Variants in OCA2 observed in about 807,000 individuals in gnomAD.
OCA2 encodes the protein OCA2 melanosomal transmembrane protein, also known as P protein.
In OCA2, 77 loss-of-function variants were observed where a neutral mutation model predicts 100.2. The ratio of observed to expected loss-of-function variants is 0.77; its 90% confidence interval spans 0.64 to 0.93. OCA2 has a LOEUF of 0.93. OCA2 is among the 40% of genes least tolerant of loss of function. The pLI is 0.00. For missense variants in OCA2, 1,062 were observed against 1,089.1 expected, an observed-to-expected ratio of 0.98 and a Z score of 0.35; for synonymous variants, 432 against 439.2, an observed-to-expected ratio of 0.98 and a Z score of 0.21.
intron 23 of OCA2, among the ~76,000 whole-genome samples, chr15:27,781,241 G>A (rs959950312): frequency 1.3e-5 from 2 of 152,194 alleles, no homozygotes; most frequent in Non-Finnish European, 2.9e-5. Flanking sequence ...CTTCTTGGGT[G>A]TTGGAAGGCA....
chr15:27,735,727 A>G, the OCA2 span, among the ~76,000 whole-genome samples: 1 of 151,302 alleles, frequency 6.6e-6, no homozygotes, highest in Non-Finnish European at 1.5e-5. Flanking sequence ...ACTGAAGGAA[A>G]AAAACAAAAC....
chr15:27,935,858 T>G (rs368904538), intron 18 of OCA2, among the ~76,000 whole-genome samples: 1 of 152,242 alleles, frequency 6.6e-6, no homozygotes, highest in Non-Finnish European at 1.5e-5. Context: ...CCCTGGACAT[T>G]GTGTAACTGA....
intron 19 of OCA2, among the ~76,000 whole-genome samples, chr15:27,904,256 G>C (rs2038082172): frequency 2.6e-5 from 4 of 152,144 alleles, no homozygotes; most frequent in Admixed American, 2.6e-4. Flanking sequence ...ACCAGAGCAG[G>C]GCCCACTGCA....
intron 12 of OCA2, among the ~76,000 whole-genome samples, chr15:27,986,339 A>G (rs1157570027): frequency 1.3e-5 from 2 of 152,196 alleles, no homozygotes; most frequent in Non-Finnish European, 1.5e-5. Context: ...ATAATACACA[A>G]CGATTCAACC....
Position 28,022,574 on chromosome 15 carries a change from C to T in OCA2, c.574-1G>A. The T allele has an allele frequency of 6.2e-7, 1 of 1,612,376 alleles. No individual in the cohort carries two copies. ...GATCCGGATATAGGCTGAACAAAAT[C>T]TGTAACAATCAGAAACGTTGAATGA... On this transcript the variant is annotated splice_acceptor_variant, in intron 5 of 23. Transcript: ENST00000354638. LOFTEE classifies it high-confidence loss of function.
chr15:27,947,609 C>T (rs960086317), intron 18 of OCA2, among the ~76,000 whole-genome samples: 4 of 152,200 alleles, frequency 2.6e-5, no homozygotes, highest in Admixed American at 2.0e-4. Flanking sequence ...CGGGTGCGGT[C>T]GCATGGCCTC....
At chr15:28,095,240 C>G (rs2141976424) in intron 1 of OCA2, among the ~76,000 whole-genome samples, 1 of 152,248 alleles carries the variant, frequency 6.6e-6, no homozygotes, top group South Asian at 2.1e-4. Context: ...CCGGTTGGCG[C>G]CCGGCGGGAG....
the OCA2 span, among the ~76,000 whole-genome samples, chr15:27,722,286 G>A: frequency 7.2e-5 from 11 of 152,158 alleles, no homozygotes; most frequent in Admixed American, 6.5e-4. Flanking sequence ...GCAAATATCC[G>A]GGGGCATTTT....
At chr15:27,736,091 T>C in the OCA2 span, among the ~76,000 whole-genome samples, 16 of 152,192 alleles carry the variant, frequency 1.1e-4, 1 homozygote, top group African/African-American at 3.6e-4. Flanking sequence ...CTGTACATGA[T>C]AAATATAAAA....
chr15:28,050,432 G>T (rs2043474362), intron 2 of OCA2, among the ~76,000 whole-genome samples: 1 of 151,872 alleles, frequency 6.6e-6, no homozygotes, highest in Non-Finnish European at 1.5e-5. Flanking sequence ...ATAGTGGCAG[G>T]CGTCTGTAAT....
intron 6 of OCA2, among the ~76,000 whole-genome samples, chr15:28,019,437 A>G (rs372899722): frequency 6.6e-6 from 1 of 152,170 alleles, no homozygotes; most frequent in African/African-American, 2.4e-5. Context: ...GGCCTCCTTC[A>G]GACAACAATT....
chr15:28,000,290 C>A (rs1263879047), intron 9 of OCA2, among the ~76,000 whole-genome samples: 2 of 152,118 alleles, frequency 1.3e-5, no homozygotes, highest in African/African-American at 2.4e-5. Context: ...GAAGAATCAA[C>A]AGCCCAGAAA....
At chr15:27,949,650 G>A (rs1043409204) in intron 18 of OCA2, among the ~76,000 whole-genome samples, 11 of 152,062 alleles carry the variant, frequency 7.2e-5, no homozygotes, top group African/African-American at 2.7e-4. Flanking sequence ...GCAACAGAGT[G>A]AGACTCTGTC....
chr15:27,869,081 C>G (rs1385779558), intron 21 of OCA2, among the ~76,000 whole-genome samples: 1 of 152,232 alleles, frequency 6.6e-6, no homozygotes, highest in African/African-American at 2.4e-5. Context: ...CCAGTGGCTC[C>G]CCATGTCCCT....
chr15:27,759,242 C>A (rs2030634906), intron 23 of OCA2, among the ~76,000 whole-genome samples: 1 of 152,078 alleles, frequency 6.6e-6, no homozygotes, highest in Admixed American at 6.5e-5. Context: ...ACTCAAGACA[C>A]TCTCAGATGA....
At chr15:27,774,907 G>A (rs1312277897) in intron 23 of OCA2, among the ~76,000 whole-genome samples, 1 of 152,142 alleles carries the variant, frequency 6.6e-6, no homozygotes, top group African/African-American at 2.4e-5. Context: ...CCAGGCTCCC[G>A]AACGGTACAG....
rs2140619003 is a variant in OCA2 at position 27,951,854 on chromosome 15, C to CA, written c.1880dup (p.Thr628AspfsTer22). On this transcript the variant is annotated frameshift_variant, in exon 18 of 24. Transcript: ENST00000354638. LOFTEE classifies it high-confidence loss of function. ...TGAAGATAACAAATCCCAACACTGT[C>CA]AGGCATTTGGCGAGCAGAATCCCGT... The CA allele has an allele frequency of 1.2e-6, 2 of 1,614,060 alleles. No individual in the cohort carries two copies. Among genetic ancestry groups the CA allele is most frequent in the African/African-American group, 1.3e-5 (1 of 75,058 alleles).
At chr15:27,746,577 G>C in the OCA2 span, among the ~76,000 whole-genome samples, 1 of 152,176 alleles carries the variant, frequency 6.6e-6, no homozygotes, top group African/African-American at 2.4e-5. Flanking sequence ...TTCCTCTTCT[G>C]CGGAACAACC....
chr15:27,860,747 A>G lies in OCA2; in HGVS notation c.2245-9272T>C, dbSNP rs531969953. Among the ~76,000 whole-genome samples, 19 of 152,358 alleles carry G rather than the reference A, an allele frequency of 1.2e-4. 1 individual carries two copies. In the South Asian group the frequency reaches 3.1e-3, roughly 25 times the overall value. ...CCATGTTTTCGCTACTGTGAGTAGC[A>G]TAGTGATGGACACGCAAGGGCACAT... On this transcript the variant is annotated intron_variant, in intron 21 of 23. Transcript: ENST00000354638.
Sources: gnomAD v4.1 joint callset for allele counts (sites outside exome capture counted in the v4.1 genomes callset) on GRCh38, gnomAD v4.1.1 for gene constraint, MANE v1.5 for transcripts, NCBI Gene and HGNC (gene_info 2026-07-23, HGNC 2026-07-21) for gene names.